The following RALGAPA1 variants were observed in gnomAD, a reference collection of about 807,000 sequenced individuals.
RALGAPA1 encodes ral GTPase-activating protein subunit alpha-1.
Under a neutral mutation model 269.6 loss-of-function variants are expected in RALGAPA1, and 52 were observed. The observed-to-expected ratio is 0.19, with a 90% CI of 0.15 to 0.24. RALGAPA1 has a LOEUF of 0.24. Ranked by LOEUF, RALGAPA1 falls within the 10% of genes least tolerant of loss-of-function variation. The pLI, the probability that RALGAPA1 is intolerant of heterozygous loss-of-function variation, is 1.00. For synonymous variants in RALGAPA1, 817 were observed against 1,008.3 expected, an observed-to-expected ratio of 0.81 and a Z score of 3.60; for missense variants, 1,917 against 3,013.9, an observed-to-expected ratio of 0.64 and a Z score of 8.52.
chr14:35,584,907 T>C (rs1220687555), intron 37 of RALGAPA1, among the ~76,000 whole-genome samples: 2 of 152,040 alleles, frequency 1.3e-5, no homozygotes, highest in Non-Finnish European at 2.9e-5. Context: ...TAAAAGAGAT[T>C]GTCAGAGTGG....
chr14:35,783,517 T>G (rs771697579), intron 1 of RALGAPA1, among the ~76,000 whole-genome samples: 14 of 152,160 alleles, frequency 9.2e-5, no homozygotes, highest in Non-Finnish European at 1.5e-4. Context: ...ATCAGTCAAT[T>G]CTTTCTTAGA....
intron 12 of RALGAPA1, among the ~76,000 whole-genome samples, chr14:35,732,011 A>G (rs1050757837): frequency 3.9e-5 from 6 of 152,206 alleles, no homozygotes; most frequent in Admixed American, 3.9e-4. Context: ...CCACAAAGGA[A>G]AACCTGTCAG....
At chr14:35,777,367 T>G (rs2075116222) in intron 1 of RALGAPA1, among the ~76,000 whole-genome samples, 1 of 152,204 alleles carries the variant, frequency 6.6e-6, no homozygotes, top group African/African-American at 2.4e-5. Context: ...TATTTATGCA[T>G]AGAAGATACC....
rs182491524 is a variant in RALGAPA1 at position 35,697,537 on chromosome 14, G to A, written c.2407+2625C>T. On this transcript the variant is annotated intron_variant, in intron 17 of 41. Transcript: ENST00000680220. ...GTTTTTTTGTATTTTTAGTAGAGAT[G>A]GGGTTTCATCGCGTTAGCCAGGATG... Among the ~76,000 whole-genome samples the A allele has an allele frequency of 4.6e-5, 7 of 151,986 alleles. No homozygotes were observed. In the East Asian group the frequency reaches 1.4e-3, roughly 29 times the overall value.
At chr14:35,783,182 G>C (rs188320326) in intron 1 of RALGAPA1, among the ~76,000 whole-genome samples, 36 of 152,084 alleles carry the variant, frequency 2.4e-4, no homozygotes, top group African/African-American at 8.2e-4. Context: ...AATCAACAGA[G>C]TGTAGTACCG....
At chr14:35,626,614 T>C (rs935015517) in intron 34 of RALGAPA1, among the ~76,000 whole-genome samples, 1 of 152,190 alleles carries the variant, frequency 6.6e-6, no homozygotes, top group Non-Finnish European at 1.5e-5. Context: ...CATTGTTCTT[T>C]TCATTTAGCT....
At chr14:35,565,253 T>C (rs2056595468) in intron 39 of RALGAPA1, among the ~76,000 whole-genome samples, 1 of 151,090 alleles carries the variant, frequency 6.6e-6, no homozygotes, top group African/African-American at 2.4e-5. Context: ...GTTAATTTTA[T>C]GTAAACTTGG....
At chr14:35,588,746 C>G (rs1381712745) in intron 37 of RALGAPA1, among the ~76,000 whole-genome samples, 1 of 152,134 alleles carries the variant, frequency 6.6e-6, no homozygotes, top group Non-Finnish European at 1.5e-5. Flanking sequence ...AGCAATCCCC[C>G]TACTGGGTAT....
At chr14:35,659,224 C>T (rs754327134) in intron 27 of RALGAPA1, 28 bp from the exon 28 acceptor site, 2 of 1,549,586 alleles carry the variant, frequency 1.3e-6, no homozygotes, top group Non-Finnish European at 8.9e-7. Flanking sequence ...TAGTTAACGG[C>T]AATGACTGAG....
At chr14:35,769,065 T>TATATAC (rs1237249622) in intron 4 of RALGAPA1, among the ~76,000 whole-genome samples, 9 of 77,786 alleles carry the variant, frequency 1.2e-4, no homozygotes, top group African/African-American at 3.7e-4. Flanking sequence ...TATATATATA[T>TATATAC]ACACACACAT....
intron 3 of RALGAPA1, among the ~76,000 whole-genome samples, chr14:35,772,515 C>T (rs1448722158): frequency 3.9e-5 from 6 of 152,124 alleles, no homozygotes; most frequent in Non-Finnish European, 8.8e-5. Context: ...CAAGAGCTAC[C>T]TTACTGCTAA....
At chr14:35,753,600 T>C (rs1319148317) in intron 7 of RALGAPA1, among the ~76,000 whole-genome samples, 2 of 152,142 alleles carry the variant, frequency 1.3e-5, no homozygotes, top group African/African-American at 2.4e-5. Flanking sequence ...AGACTACATA[T>C]TGTATGATCC....
chr14:35,808,707 C>T (rs370976776), intron 1 of RALGAPA1, 23 bp downstream of exon 1: 39 of 1,601,058 alleles, frequency 2.4e-5, no homozygotes, highest in Non-Finnish European at 3.4e-6. Flanking sequence ...CAGGCCTCGG[C>T]GCTGCCACCC....
At chr14:35,787,829 G>T (rs1184021467) in intron 1 of RALGAPA1, among the ~76,000 whole-genome samples, 1 of 151,218 alleles carries the variant, frequency 6.6e-6, no homozygotes, top group African/African-American at 2.4e-5. Flanking sequence ...CAATCCTCCT[G>T]CCTTGGCCTC....
At chr14:35,773,910 T>C (rs555029555) in intron 3 of RALGAPA1, among the ~76,000 whole-genome samples, 20 of 151,974 alleles carry the variant, frequency 1.3e-4, no homozygotes, top group African/African-American at 3.9e-4. Flanking sequence ...GAGTGAATTA[T>C]TATTATTATT....
intron 28 of RALGAPA1, among the ~76,000 whole-genome samples, chr14:35,658,379 C>T (rs947808100): frequency 6.6e-6 from 1 of 152,132 alleles, no homozygotes; most frequent in Admixed American, 6.5e-5. Context: ...TGATCTGTAA[C>T]TTTTGAACTT....
At chr14:35,616,937 T>C (rs921313441) in intron 35 of RALGAPA1, among the ~76,000 whole-genome samples, 3 of 152,044 alleles carry the variant, frequency 2.0e-5, no homozygotes, top group Non-Finnish European at 4.4e-5. Flanking sequence ...TGGAGAACAA[T>C]CAGAATTGAG....
chr14:35,606,167 A>C (rs972329749), intron 35 of RALGAPA1, among the ~76,000 whole-genome samples: 8 of 152,246 alleles, frequency 5.3e-5, no homozygotes, highest in Non-Finnish European at 5.9e-5. Flanking sequence ...AGGTAGAAGA[A>C]GAAACACACA....
At chr14:35,623,550 G>T (rs1217955638) in intron 35 of RALGAPA1, among the ~76,000 whole-genome samples, 1 of 152,096 alleles carries the variant, frequency 6.6e-6, no homozygotes, top group East Asian at 1.9e-4. Flanking sequence ...AGCTATAAAG[G>T]TTAAAAAAGG....
Sources: gnomAD v4.1 joint callset for allele counts (sites outside exome capture counted in the v4.1 genomes callset) on GRCh38, gnomAD v4.1.1 for gene constraint, MANE v1.5 for transcripts, NCBI Gene and HGNC (gene_info 2026-07-23, HGNC 2026-07-21) for gene names.